CCDC73: variants seen among roughly 807,000 people sequenced by gnomAD.
CCDC73 encodes the protein coiled-coil domain containing 73, also known as coiled-coil domain-containing protein 73.
A neutral mutation model predicts 116.5 loss-of-function variants in CCDC73; 95 were observed. The ratio of observed to expected loss-of-function variants is 0.82; its 90% confidence interval spans 0.69 to 0.97. The LOEUF (loss-of-function observed/expected upper bound fraction) is 0.97, where lower values mean the gene tolerates loss of function less well. Among genes scored for constraint, CCDC73 ranks in the 50% least tolerant of loss-of-function variants. CCDC73 has a pLI of 0.00. For missense variants in CCDC73, 1,066 were observed against 1,206.8 expected (o/e 0.88, Z 1.73); for synonymous variants, 398 against 401.3 (o/e 0.99, Z 0.10).
intron 2 of CCDC73, among the ~76,000 whole-genome samples, chr11:32,754,605 C>A (rs1295699711): frequency 1.3e-5 from 2 of 152,046 alleles, no homozygotes; most frequent in East Asian, 3.9e-4. Context: ...ACAAACAGAT[C>A]TTAAGAGCAA....
chr11:32,738,019 T>C (rs7948987), intron 2 of CCDC73, among the ~76,000 whole-genome samples: 89,718 of 152,086 alleles, frequency 0.59, 26,776 homozygotes, highest in East Asian at 0.84. Context: ...TTGCAAGTAA[T>C]AAGATCTCAT....
intron 14 of CCDC73, among the ~76,000 whole-genome samples, chr11:32,621,320 C>G (rs1262159440): frequency 6.6e-6 from 1 of 152,154 alleles, no homozygotes; most frequent in Non-Finnish European, 1.5e-5. Flanking sequence ...GGTACCAAAA[C>G]AGACATACAG....
chr11:32,752,324 CTG>C (rs1850293530), intron 2 of CCDC73, among the ~76,000 whole-genome samples: 1 of 152,150 alleles, frequency 6.6e-6, no homozygotes, highest in Non-Finnish European at 1.5e-5. Context: ...GATATTTAGA[CTG>C]TTTATAATTT....
chr11:32,797,341 T>C (rs570357381), upstream of CCDC73, among the ~76,000 whole-genome samples: 3 of 152,302 alleles, frequency 2.0e-5, no homozygotes, highest in African/African-American at 7.2e-5. Context: ...TAGAACTCTG[T>C]ACATCTTCCT....
At chr11:32,741,272 G>A (rs1366652531) in intron 2 of CCDC73, among the ~76,000 whole-genome samples, 1 of 151,842 alleles carries the variant, frequency 6.6e-6, no homozygotes, top group East Asian at 2.0e-4. Context: ...GTGGAGTGTT[G>A]AAGTCTCCAA....
chr11:32,775,736 T>G (rs1203441818), intron 1 of CCDC73, among the ~76,000 whole-genome samples: 1 of 152,190 alleles, frequency 6.6e-6, no homozygotes, highest in Non-Finnish European at 1.5e-5. Flanking sequence ...TTAACAAATC[T>G]GTTAATAGGT....
chr11:32,693,872 T>C (rs1856284737), intron 6 of CCDC73, among the ~76,000 whole-genome samples: 1 of 152,254 alleles, frequency 6.6e-6, no homozygotes, highest in Non-Finnish European at 1.5e-5. Flanking sequence ...CAGCCCTTCA[T>C]GCTAAAAACT....
intron 12 of CCDC73, among the ~76,000 whole-genome samples, chr11:32,647,091 AT>A (rs1243207442): frequency 6.6e-6 from 1 of 152,166 alleles, no homozygotes; most frequent in Non-Finnish European, 1.5e-5. Context: ...TGGAGGCTGT[AT>A]TAGGTTGTTC....
chr11:32,712,841 C>G (rs1365841839), intron 3 of CCDC73, among the ~76,000 whole-genome samples: 4 of 151,730 alleles, frequency 2.6e-5, no homozygotes, highest in Admixed American at 2.6e-4. Flanking sequence ...GGTTAAAATG[C>G]TTTTATATCT....
chr11:32,657,641 G>C (rs1208037441), intron 9 of CCDC73, among the ~76,000 whole-genome samples: 1 of 152,002 alleles, frequency 6.6e-6, no homozygotes, highest in African/African-American at 2.4e-5. Flanking sequence ...GGTACTAGTA[G>C]ATCAGTAGGC....
intron 3 of CCDC73, among the ~76,000 whole-genome samples, chr11:32,713,590 T>G (rs1728577980): frequency 6.6e-6 from 1 of 152,072 alleles, no homozygotes; most frequent in African/African-American, 2.4e-5. Flanking sequence ...TTAAAAAGCC[T>G]ATTTTGGAAT....
chr11:32,808,149 A>G, the CCDC73 span, among the ~76,000 whole-genome samples: 5 of 150,800 alleles, frequency 3.3e-5, no homozygotes, highest in South Asian at 1.1e-3. Context: ...AATTTAACCA[A>G]ATTAAAGAAA....
At chr11:32,654,163 TTTTGTTTGTTTA>T in intron 10 of CCDC73, 126 bp from the exon 11 acceptor site, 1 of 839,976 alleles carries the variant, frequency 1.2e-6, no homozygotes, top group East Asian at 3.0e-5. Flanking sequence ...ACATTTGTTT[TTTTGTTTGTTTA>T]TTTGTATGTT....
intron 14 of CCDC73, among the ~76,000 whole-genome samples, chr11:32,619,925 C>T (rs1014089196): frequency 6.6e-6 from 1 of 151,604 alleles, no homozygotes; most frequent in African/African-American, 2.4e-5. Context: ...AAATACACTG[C>T]TTACAGAGAG....
chr11:32,685,266 CAA>C (rs35408326), intron 6 of CCDC73, among the ~76,000 whole-genome samples: 11,415 of 93,318 alleles, frequency 0.12, 429 homozygotes, highest in Middle Eastern at 0.18. Context: ...AACACTGGAC[CAA>C]AAAAAAAAAA....
the CCDC73 span, among the ~76,000 whole-genome samples, chr11:32,814,087 C>A: frequency 2.0e-5 from 3 of 152,158 alleles, no homozygotes; most frequent in African/African-American, 7.2e-5. Flanking sequence ...CATAAAGTTT[C>A]TATGCCTGCC....
At chr11:32,648,122 G>C (rs1259871472) in intron 12 of CCDC73, among the ~76,000 whole-genome samples, 1 of 152,174 alleles carries the variant, frequency 6.6e-6, no homozygotes, top group Non-Finnish European at 1.5e-5. Context: ...GGATTGCAAT[G>C]GCTTCTTATA....
rs745797982 is a variant in CCDC73, at chr11:32,670,495, CT to C, written c.645+5069del. Among the ~76,000 whole-genome samples the C allele has an allele frequency of 1.2e-4, 18 of 149,522 alleles. 1 individual carries two copies. The East Asian group carries it at 2.0e-3, about 16-fold the overall frequency. On this transcript the variant is annotated intron_variant, in intron 9 of 17. Transcript: ENST00000335185. ...CAAGATTGCACCACTGCACTCCAGC[CT>C]GGGCAACAGAGCAAGGCTCTGTCTC...
chr11:32,671,471 A>G (rs1244025272), intron 9 of CCDC73, among the ~76,000 whole-genome samples: 1 of 152,132 alleles, frequency 6.6e-6, no homozygotes, highest in African/African-American at 2.4e-5. Context: ...AAATCATAGA[A>G]CAGTATAATA....
Sources: allele counts gnomAD v4.1 joint callset (sites outside exome capture counted in the v4.1 genomes callset), GRCh38; gene constraint gnomAD v4.1.1; transcripts MANE v1.5; gene names NCBI Gene and HGNC (gene_info 2026-07-23, HGNC 2026-07-21).